NDUFS4: variants seen among roughly 807,000 people sequenced by gnomAD.
The protein encoded by NDUFS4 is NADH:ubiquinone oxidoreductase subunit S4.
Under a neutral mutation model 24.3 loss-of-function variants are expected in NDUFS4, and 28 were observed. The ratio of observed to expected loss-of-function variants is 1.15; its 90% confidence interval spans 0.85 to 1.58. The LOEUF (loss-of-function observed/expected upper bound fraction) is 1.58, where lower values mean the gene tolerates loss of function less well. Among genes scored for constraint, NDUFS4 ranks in the 40% most tolerant of loss-of-function variants. The pLI is 0.00. For synonymous variants in NDUFS4, 93 were observed against 69.7 expected (o/e 1.34, Z -1.67); for missense variants, 223 against 207.9 (o/e 1.07, Z -0.45).
chr5:53,663,262 A>G (rs548268815), intron 4 of NDUFS4, among the ~76,000 whole-genome samples: 17 of 152,234 alleles, frequency 1.1e-4, no homozygotes, highest in African/African-American at 2.9e-4. Flanking sequence ...TGTGTGGTCA[A>G]TTTTGGAACA....
chr5:53,594,872 TTGTGTGTGTGTG>T (rs60887057), intron 1 of NDUFS4, among the ~76,000 whole-genome samples: 1 of 148,424 alleles, frequency 6.7e-6, no homozygotes, highest in Non-Finnish European at 1.5e-5. Flanking sequence ...ATGTCTGTGT[TTGTGTGTGTGTG>T]TGTGTGTGTG....
At chr5:53,627,916 A>G (rs1270747517) in intron 2 of NDUFS4, among the ~76,000 whole-genome samples, 3 of 152,070 alleles carry the variant, frequency 2.0e-5, no homozygotes, top group Non-Finnish European at 2.9e-5. Context: ...TTCCAGTACT[A>G]TGTTGAATAG....
intron 2 of NDUFS4, among the ~76,000 whole-genome samples, chr5:53,611,365 C>A (rs957125188): frequency 6.6e-6 from 1 of 151,782 alleles, no homozygotes; most frequent in African/African-American, 2.4e-5. Context: ...TTGTTGAGTA[C>A]AAATCTTCAG....
At chr5:53,638,306 G>A (rs934563362) in intron 2 of NDUFS4, among the ~76,000 whole-genome samples, 1 of 151,900 alleles carries the variant, frequency 6.6e-6, no homozygotes, top group African/African-American at 2.4e-5. Context: ...GGGACCCTCT[G>A]GAAAGTTCCA....
intron 1 of NDUFS4, among the ~76,000 whole-genome samples, chr5:53,586,507 AGTTAGTTT>A (rs36208545): frequency 0.2 from 30,789 of 150,322 alleles, 3,603 homozygotes; most frequent in East Asian, 0.46. Flanking sequence ...TTAGTTAGTT[AGTTAGTTT>A]GTTTGTTTGT....
chr5:53,679,277 A>G (rs1579949842), intron 4 of NDUFS4, among the ~76,000 whole-genome samples: 1 of 152,264 alleles, frequency 6.6e-6, no homozygotes, highest in East Asian at 1.9e-4. Flanking sequence ...CCTAACAATC[A>G]TGAGTGGTCA....
At chr5:53,638,077 T>C (rs1245573908) in intron 2 of NDUFS4, among the ~76,000 whole-genome samples, 2 of 152,126 alleles carry the variant, frequency 1.3e-5, no homozygotes, top group Non-Finnish European at 2.9e-5. Context: ...GTTAACATAC[T>C]AGCCAGAATT....
intron 1 of NDUFS4, among the ~76,000 whole-genome samples, chr5:53,570,277 T>A (rs780601636): frequency 6.6e-6 from 1 of 152,208 alleles, no homozygotes; most frequent in Non-Finnish European, 1.5e-5. Context: ...AATGTAGTCA[T>A]ATATAACCTT....
chr5:53,651,123 A>G (rs192854731), intron 3 of NDUFS4, among the ~76,000 whole-genome samples: 15 of 152,292 alleles, frequency 9.8e-5, no homozygotes, highest in African/African-American at 2.9e-4. Flanking sequence ...GAATAATTTT[A>G]AAAAACATTC....
chr5:53,644,727 C>T (rs2112505432), intron 2 of NDUFS4, among the ~76,000 whole-genome samples: 1 of 151,996 alleles, frequency 6.6e-6, no homozygotes, highest in Non-Finnish European at 1.5e-5. Context: ...TAAATGTAGG[C>T]ACATATTAGA....
intron 1 of NDUFS4, among the ~76,000 whole-genome samples, chr5:53,577,482 ATTT>A (rs34395834): frequency 1.0e-4 from 15 of 146,708 alleles, no homozygotes; most frequent in Non-Finnish European, 1.5e-4. Context: ...ATAGTCTGCT[ATTT>A]TTTTTTTTTT....
At chr5:53,591,461 T>TTGGGGG (rs1491299426) in intron 1 of NDUFS4, among the ~76,000 whole-genome samples, 2 of 81,190 alleles carry the variant, frequency 2.5e-5, no homozygotes, top group African/African-American at 5.0e-5. Flanking sequence ...TTGTTTTTTT[T>TTGGGGG]GGGGGGGGGG....
At chr5:53,582,521 C>T (rs1233738972) in intron 1 of NDUFS4, among the ~76,000 whole-genome samples, 1 of 152,218 alleles carries the variant, frequency 6.6e-6, no homozygotes, top group Non-Finnish European at 1.5e-5. Flanking sequence ...CTGGAGTACA[C>T]AGAGAAAACC....
In NDUFS4 at chr5:53,683,291, A is replaced by T; in HGVS notation, c.*70A>T. On this transcript the variant is annotated 3_prime_UTR_variant, in exon 5 of 5. Transcript: ENST00000296684. ...TGTGCAGTATTTATAGTCCATGTAT[A>T]ATAAATACATCTCTTAATCTCCTAA... 1.9e-6 allele frequency: 2 copies of T among 1,045,568 alleles called. No homozygotes were observed. The highest frequency in any genetic ancestry group is 3.0e-6 in the Non-Finnish European group (2 of 664,470). 64.8% of individuals were successfully genotyped at this position (1,045,568 alleles called of 1,614,324 possible). A position where few individuals can be genotyped will look rare whatever the true frequency, so the allele number is the denominator to read the frequency against.
At chr5:53,661,475 G>A (rs998540199) in intron 4 of NDUFS4, among the ~76,000 whole-genome samples, 196 of 152,230 alleles carry the variant, frequency 1.3e-3, no homozygotes, top group African/African-American at 4.2e-3. Flanking sequence ...GATTGACTTG[G>A]CAATGCGGGC....
In NDUFS4 at chr5:53,584,480, C is replaced by T. The variant is rs546506044; in HGVS notation, c.99-18972C>T. 7.9e-5 allele frequency among the ~76,000 whole-genome samples: 12 copies of T among 151,938 alleles called. No homozygotes were observed. In the South Asian group the frequency reaches 8.3e-4, roughly 11 times the overall value. ...AAGTGATTCTTCTGCCTCAGCCTCC[C>T]GAGTAGGTGCCACCATGCCCGGCTA... is the stretch of plus-strand genomic sequence containing the variant. On this transcript the variant is annotated intron_variant, in intron 1 of 4. Transcript: ENST00000296684.
intron 1 of NDUFS4, among the ~76,000 whole-genome samples, chr5:53,570,410 C>G (rs911753059): frequency 1.3e-4 from 20 of 152,116 alleles, no homozygotes; most frequent in African/African-American, 4.3e-4. Flanking sequence ...CACAGTTTAT[C>G]CATTTACCTA....
intron 1 of NDUFS4, among the ~76,000 whole-genome samples, chr5:53,562,569 G>GA (rs201625046): frequency 0.01 from 1,542 of 151,776 alleles, 19 homozygotes; most frequent in African/African-American, 0.035. Flanking sequence ...ATTTAATCTT[G>GA]AAAAAAAATC....
intron 2 of NDUFS4, among the ~76,000 whole-genome samples, chr5:53,607,270 C>T (rs1750551814): frequency 6.6e-6 from 1 of 152,156 alleles, no homozygotes; most frequent in Admixed American, 6.5e-5. Context: ...TCTCTCCTTC[C>T]CAGAACGGTC....
Sources: gnomAD v4.1 joint callset for allele counts (sites outside exome capture counted in the v4.1 genomes callset) on GRCh38, gnomAD v4.1.1 for gene constraint, MANE v1.5 for transcripts, NCBI Gene and HGNC (gene_info 2026-07-23, HGNC 2026-07-21) for gene names.